Variants in SV2C observed in about 807,000 individuals in gnomAD.
SV2C encodes the protein solute carrier family 22 member B3.
SV2C carries 49 observed loss-of-function variants against 79.7 expected under a neutral mutation model. The observed-to-expected ratio is 0.61, with a 90% CI of 0.49 to 0.78. SV2C has a LOEUF of 0.78. Among genes scored for constraint, SV2C ranks in the 30% least tolerant of loss-of-function variants. The probability of loss-of-function intolerance (pLI) is 0.00; values close to 1 mark genes in which losing one functional copy is unlikely to be tolerated. For missense variants in SV2C, 833 were observed against 912.9 expected (o/e 0.91, Z 1.13); for synonymous variants, 334 against 333.2 (o/e 1.00, Z -0.03).
chr5:75,972,666 G>T, the SV2C span, among the ~76,000 whole-genome samples: 6 of 152,084 alleles, frequency 3.9e-5, no homozygotes, highest in African/African-American at 1.5e-4. Flanking sequence ...TCATTAAACA[G>T]TCAGGAAACA....
the SV2C span, among the ~76,000 whole-genome samples, chr5:75,866,465 C>T: frequency 7.9e-5 from 12 of 152,228 alleles, no homozygotes; most frequent in Middle Eastern, 3.4e-3. Context: ...ATTTTATCAA[C>T]GAGGAAACTG....
the SV2C span, among the ~76,000 whole-genome samples, chr5:75,855,406 T>C: frequency 6.6e-6 from 1 of 152,164 alleles, no homozygotes; most frequent in African/African-American, 2.4e-5. Context: ...ACTTTTGTGA[T>C]AGATTCTTAA....
the SV2C span, among the ~76,000 whole-genome samples, chr5:76,057,406 G>T: frequency 6.6e-6 from 1 of 150,458 alleles, no homozygotes; most frequent in Non-Finnish European, 1.5e-5. Flanking sequence ...AGGCCCCGGT[G>T]TGTGATGTTC....
chr5:76,174,315 C>T (rs1189594768), intron 2 of SV2C: 20 of 831,368 alleles, frequency 2.4e-5, no homozygotes, highest in East Asian at 7.8e-5. Flanking sequence ...GCTGCCGCGC[C>T]GCTCCGGCTG....
At chr5:76,071,642 C>T in the SV2C span, among the ~76,000 whole-genome samples, 1 of 152,234 alleles carries the variant, frequency 6.6e-6, no homozygotes, top group South Asian at 2.1e-4. Context: ...TGGTCAGCAC[C>T]AATACCTTTA....
the SV2C span, among the ~76,000 whole-genome samples, chr5:76,020,383 G>A: frequency 1.3e-5 from 2 of 152,252 alleles, no homozygotes; most frequent in African/African-American, 4.8e-5. Flanking sequence ...TCACTTTTCT[G>A]GATGAGAGTT....
intron 4 of SV2C, among the ~76,000 whole-genome samples, chr5:76,248,254 G>A (rs1746005163): frequency 2.0e-5 from 3 of 152,176 alleles, no homozygotes; most frequent in Non-Finnish European, 2.9e-5. Flanking sequence ...TTCAACTGCA[G>A]AAATTCATTT....
intron 4 of SV2C, among the ~76,000 whole-genome samples, chr5:76,211,463 CGTGTGTGTGTGTGTGTGTGT>C (rs10593541): frequency 6.7e-6 from 1 of 149,474 alleles, no homozygotes; most frequent in African/African-American, 2.5e-5. Flanking sequence ...GTTCTGGTTG[CGTGTGTGTGTGTGTGTGTGT>C]GTGTGTGTGT....
At chr5:76,195,132 G>A (rs1476017376) in intron 3 of SV2C, 33 bp downstream of exon 3, 35 of 1,596,772 alleles carry the variant, frequency 2.2e-5, no homozygotes, top group Non-Finnish European at 2.9e-5. Context: ...TTATAGTAAT[G>A]TGTTTATTCT....
intron 4 of SV2C, among the ~76,000 whole-genome samples, chr5:76,265,463 C>T (rs1224420565): frequency 6.6e-6 from 1 of 152,160 alleles, no homozygotes; most frequent in Non-Finnish European, 1.5e-5. Context: ...GTGAATGGTT[C>T]TGTCTCACTG....
intron 4 of SV2C, among the ~76,000 whole-genome samples, chr5:76,254,546 A>G (rs1168702853): frequency 6.6e-6 from 1 of 152,166 alleles, no homozygotes; most frequent in Non-Finnish European, 1.5e-5. Context: ...ATGGAAGGTA[A>G]CATCTGACAT....
the SV2C span, among the ~76,000 whole-genome samples, chr5:75,886,671 T>C: frequency 3.6e-4 from 55 of 152,282 alleles, no homozygotes; most frequent in South Asian, 7.9e-3. Flanking sequence ...GATGCCCTTC[T>C]TTTAACTCAG....
chr5:76,225,796 C>T (rs1252908997), intron 4 of SV2C, among the ~76,000 whole-genome samples: 3 of 152,176 alleles, frequency 2.0e-5, no homozygotes, highest in Admixed American at 2.0e-4. Context: ...GATTCAATGG[C>T]TTTGCCTCCA....
chr5:75,936,683 A>G, the SV2C span, among the ~76,000 whole-genome samples: 6 of 152,326 alleles, frequency 3.9e-5, no homozygotes, highest in Non-Finnish European at 5.9e-5. Flanking sequence ...GCTGGTATTG[A>G]GATATTCTTG....
At chr5:75,864,356 T>TCCATC in the SV2C span, among the ~76,000 whole-genome samples, 1 of 140,414 alleles carries the variant, frequency 7.1e-6, no homozygotes, top group Non-Finnish European at 1.6e-5. Context: ...ATCCATCCAT[T>TCCATC]CATTTAATTA....
chr5:76,335,848 G>A (rs111324507), downstream of SV2C, among the ~76,000 whole-genome samples: 7,522 of 152,222 alleles, frequency 0.049, 640 homozygotes, highest in African/African-American at 0.17. Context: ...GCAACCATCC[G>A]ATTTCTCAAT....
At chr5:75,859,125 G>A in the SV2C span, among the ~76,000 whole-genome samples, 2 of 150,370 alleles carry the variant, frequency 1.3e-5, no homozygotes, top group African/African-American at 4.9e-5. Context: ...TACTAATTTT[G>A]GTTTTGGTTT....
At chr5:76,346,178 C>A (rs1295420104) in intron 12 of SV2C, among the ~76,000 whole-genome samples, 2 of 152,118 alleles carry the variant, frequency 1.3e-5, no homozygotes, top group African/African-American at 4.8e-5. Flanking sequence ...AGTATTTCCA[C>A]CATACAGATA....
the SV2C span, among the ~76,000 whole-genome samples, chr5:75,985,683 AG>A: frequency 6.6e-6 from 1 of 151,904 alleles, no homozygotes; most frequent in South Asian, 2.1e-4. Context: ...TAGTAACAAA[AG>A]TAATGTTAAA....
Sources: allele counts gnomAD v4.1 joint callset (sites outside exome capture counted in the v4.1 genomes callset), GRCh38; gene constraint gnomAD v4.1.1; transcripts MANE v1.5; gene names NCBI Gene and HGNC (gene_info 2026-07-23, HGNC 2026-07-21).